NR1D2: variants seen among roughly 807,000 people sequenced by gnomAD.
NR1D2 encodes nuclear receptor subfamily 1 group D member 2.
Under a neutral mutation model 52.2 loss-of-function variants are expected in NR1D2, and 25 were observed. The ratio of observed to expected loss-of-function variants is 0.48; its 90% CI spans 0.35 to 0.67. The LOEUF is 0.67. Among genes scored for constraint, NR1D2 ranks in the 30% least tolerant of loss-of-function variants. The probability of loss-of-function intolerance (pLI) is 0.01; values close to 1 mark genes in which losing one functional copy is unlikely to be tolerated. For synonymous variants in NR1D2, 259 were observed against 230.1 expected, an observed-to-expected ratio of 1.13 and a Z score of -1.14; for missense variants, 681 against 707.2, an observed-to-expected ratio of 0.96 and a Z score of 0.42.
Position 23,962,565 on chromosome 3 carries a change from A to G in NR1D2, c.1106A>G (p.Lys369Arg). 6.2e-7 allele frequency: 1 copy of G among 1,612,512 alleles called. No individual in the cohort carries two copies. Among genetic ancestry groups the G allele is most frequent in the Non-Finnish European group, 8.5e-7 (1 of 1,178,746 alleles). ...PIDGFSQNEN[K>R]NSYLCNTGGR... ...GATGGATTTTCTCAGAATGAGAACA[A>G]GAATAGTTACCTGTGCAACACTGGA... Residue 369 changes from lysine to arginine, a missense_variant, in exon 5 of 8, where the codon AAG (lysine) becomes AGG (arginine). This residue lies in a region of NR1D2 where 475 missense variants were observed against 454.5 expected (regional missense o/e 1.05). Transcript: ENST00000312521.
chr3:23,970,946 T>C (rs1706573479), intron 7 of NR1D2, among the ~76,000 whole-genome samples: 1 of 152,138 alleles, frequency 6.6e-6, no homozygotes, highest in Non-Finnish European at 1.5e-5. Context: ...TACACCCAAC[T>C]AATTTTGTAT....
At chr3:23,958,185 A>G (rs1559332555) in intron 3 of NR1D2, among the ~76,000 whole-genome samples, 1 of 152,118 alleles carries the variant, frequency 6.6e-6, no homozygotes, top group Admixed American at 6.5e-5. Context: ...GTGTGGTGTA[A>G]CACTTACCTG....
rs906489074 is a variant in NR1D2 at position 23,954,716 on chromosome 3, A to G, written c.196A>G (p.Ile66Val). ...TGGTGATCTCGCCAATATTGAAGGC[A>G]TCTTGAAGAATGATCGAATAGATTG... The part of the protein sequence containing the change: ...KNGDLANIEG[I>V]LKNDRIDCSM... The change falls in exon 2 of 8, where the codon ATC becomes GTC. Residue 66 changes from isoleucine (I) to valine (V), a missense_variant. By Grantham distance (29) the Ile-to-Val change is conservative. Coordinates refer to ENST00000312521, the MANE Select transcript of NR1D2 (RefSeq NM_005126.5). The G allele has an allele frequency of 3.1e-6, 5 of 1,614,012 alleles. No individual in the cohort carries two copies. The highest frequency in any genetic ancestry group is 4.2e-6 in the Non-Finnish European group (5 of 1,179,950).
chr3:23,945,645 GC>G, intron 1 of NR1D2, 51 bp downstream of exon 1: 1 of 1,006,152 alleles, frequency 9.9e-7, no homozygotes. Context: ...AGCGCTCAGA[GC>G]CCGCGGGGCA....
At chr3:23,961,615 C>T (rs1447654578) in intron 4 of NR1D2, among the ~76,000 whole-genome samples, 2 of 151,838 alleles carry the variant, frequency 1.3e-5, no homozygotes, top group Admixed American at 6.6e-5. Context: ...AGTCTGGTTT[C>T]GAATTCCTGA....
At chr3:23,957,377 C>T (rs1039225799) in intron 3 of NR1D2, among the ~76,000 whole-genome samples, 1 of 140,368 alleles carries the variant, frequency 7.1e-6, no homozygotes, top group South Asian at 2.3e-4. Context: ...AAAGATTCTC[C>T]TTCTCTATAT....
At chr3:23,948,081 C>T (rs902591402) in intron 1 of NR1D2, among the ~76,000 whole-genome samples, 2 of 151,364 alleles carry the variant, frequency 1.3e-5, no homozygotes, top group Non-Finnish European at 2.9e-5. Flanking sequence ...CGCGCTACTG[C>T]ACTCCAGCCT....
intron 1 of NR1D2, among the ~76,000 whole-genome samples, chr3:23,953,022 T>G (rs1705985029): frequency 6.6e-6 from 1 of 151,898 alleles, no homozygotes; most frequent in South Asian, 2.1e-4. Context: ...CCTCAGCATT[T>G]TGCTTTGTGG....
intron 1 of NR1D2, 124 bp downstream of exon 1, chr3:23,945,718 GC>G (rs1366652601): frequency 3.2e-6 from 2 of 630,068 alleles, no homozygotes; most frequent in Non-Finnish European, 4.3e-6. Context: ...GCTGCTGCGC[GC>G]CGCGTGTCCG....
At position 23,962,560 on chromosome 3, in the gene NR1D2, GA is replaced by G; in HGVS notation, c.1103del (p.Asn368ThrfsTer19). On this transcript the variant is annotated frameshift_variant, in exon 5 of 8. Transcript: ENST00000312521. LOFTEE classifies it high-confidence loss of function. ...VPIDGFSQNE[N>X]KNSYLCNTGG... ...CGATAGATGGATTTTCTCAGAATGA[GA>G]ACAAGAATAGTTACCTGTGCAACAC... The G allele has an allele frequency of 6.2e-7, 1 of 1,612,876 alleles. No individual in the cohort carries two copies. The highest frequency in any genetic ancestry group is 8.5e-7 in the Non-Finnish European group (1 of 1,179,066).
chr3:23,962,881 C>G (rs1055559297), intron 5 of NR1D2, among the ~76,000 whole-genome samples: 1 of 152,080 alleles, frequency 6.6e-6, no homozygotes, highest in African/African-American at 2.4e-5. Flanking sequence ...AGAATTGGTC[C>G]TTTAATTCTT....
In NR1D2 at chr3:23,977,232, G is replaced by T. The variant is rs1706753356; in HGVS notation, c.1553G>T (p.Gly518Val). Residue 518 changes from glycine to valine, a missense_variant, in exon 8 of 8, where the codon GGA becomes GTA. Around this residue, in one of 3 missense-constraint regions of NR1D2, gnomAD observed 475 missense variants for 454.5 expected, o/e 1.05. Coordinates refer to ENST00000312521, the MANE Select transcript of NR1D2 (RefSeq NM_005126.5). ...TCCTGATCTCTCTTAGATCGATCTG[G>T]AATAGAAAACGTCAACTCTGTGGAG... ...AVVLVSADRS[G>V]IENVNSVEAL... 1 of 1,584,546 alleles carries T rather than the reference G, an allele frequency of 6.3e-7. No individual in the cohort carries two copies. Among genetic ancestry groups the T allele is most frequent in the African/African-American group, 1.4e-5 (1 of 73,280 alleles).
In NR1D2 at chr3:23,977,409, T is replaced by C. The variant is rs200401146; in HGVS notation, c.1730T>C (p.Val577Ala). The change falls in exon 8 of 8, where the codon GTT (valine) becomes GCT (alanine). Residue 577 changes from valine (V) to alanine (A), a missense_variant. Physicochemically the swap from Val to Ala is moderately conservative, Grantham distance 64. This residue lies in a region of NR1D2 where 475 missense variants were observed against 454.5 expected (regional missense o/e 1.05). Coordinates refer to ENST00000312521, the MANE Select transcript of NR1D2 (RefSeq NM_005126.5). ...MHSEELLAFK[V>A]HP ...TCTGAGGAGCTCTTGGCCTTTAAAGTTCACCCTTAAGGCCTTTGTTTATTT... is the reference window on the plus strand; with the variant it reads ...TCTGAGGAGCTCTTGGCCTTTAAAGCTCACCCTTAAGGCCTTTGTTTATTT... 2 of 1,597,734 alleles carry C rather than the reference T, an allele frequency of 1.3e-6. No homozygotes were observed. The highest frequency in any genetic ancestry group is 3.6e-5 in the Admixed American group (2 of 55,634).
chr3:23,972,281 A>AT (rs1014615574), intron 7 of NR1D2, among the ~76,000 whole-genome samples: 4 of 152,202 alleles, frequency 2.6e-5, no homozygotes, highest in Admixed American at 2.6e-4. Context: ...CCCAATGTCC[A>AT]TTTTTAATTA....
At chr3:23,964,512 C>A (rs998742919) in intron 5 of NR1D2, among the ~76,000 whole-genome samples, 8 of 152,172 alleles carry the variant, frequency 5.3e-5, no homozygotes, top group Admixed American at 2.0e-4. Flanking sequence ...TGGGCCTAGG[C>A]TTGTGACTTC....
At position 23,947,469 on chromosome 3, in the gene NR1D2, C is replaced by G. The variant is rs150175222; in HGVS notation, c.16+1875C>G. 4.2e-3 allele frequency among the ~76,000 whole-genome samples: 634 copies of G among 152,324 alleles called. 8 individuals are homozygous for G. Among genetic ancestry groups the G allele is most frequent in the African/African-American group, 0.015 (609 of 41,570 alleles). ...TTGTTGCCGTTTGGGATGGAGCACCCAGAAGTGAACAGGCTCTTGTGGAAG... is the reference window on the plus strand; with the variant it reads ...TTGTTGCCGTTTGGGATGGAGCACCGAGAAGTGAACAGGCTCTTGTGGAAG... On this transcript the variant is annotated intron_variant, in intron 1 of 7. Coordinates refer to ENST00000312521, the MANE Select transcript of NR1D2 (RefSeq NM_005126.5).
Position 23,964,574 on chromosome 3 carries a change from A to G in NR1D2, c.1147-403A>G, listed in dbSNP as rs561228106. ...CTCTCAGAGTCTCATTTCTCCACCTAAGAAATGGAAATTATAATCTGCCAT... is the reference window on the plus strand; with the variant it reads ...CTCTCAGAGTCTCATTTCTCCACCTGAGAAATGGAAATTATAATCTGCCAT... On this transcript the variant is annotated intron_variant, in intron 5 of 7. Coordinates refer to ENST00000312521, the MANE Select transcript of NR1D2 (RefSeq NM_005126.5). Among the ~76,000 whole-genome samples, 26 of 152,334 alleles carry G rather than the reference A, an allele frequency of 1.7e-4. No individual in the cohort carries two copies. The South Asian group carries it at 5.0e-3, about 29-fold the overall frequency.
intron 5 of NR1D2, 104 bp from the exon 6 acceptor site, chr3:23,964,872 TG>T: frequency 1.3e-6 from 1 of 741,180 alleles, no homozygotes; most frequent in Non-Finnish European, 2.2e-6. Context: ...ACTTGTGTTT[TG>T]GGGGTTAAAT....
intron 3 of NR1D2, among the ~76,000 whole-genome samples, chr3:23,956,341 C>T (rs1706080437): frequency 6.6e-6 from 1 of 152,044 alleles, no homozygotes; most frequent in Non-Finnish European, 1.5e-5. Context: ...AGATTTTGAA[C>T]AAAGTAAATT....
Sources: allele counts gnomAD v4.1 joint callset (sites outside exome capture counted in the v4.1 genomes callset), GRCh38; gene constraint gnomAD v4.1.1; regional missense constraint gnomAD v4.1.1; transcripts MANE v1.5; gene names NCBI Gene and HGNC (gene_info 2026-07-23, HGNC 2026-07-21).